The following NOX3 variants were observed in gnomAD, a reference collection of about 807,000 sequenced individuals.
NOX3 encodes the protein NADPH oxidase 3, also known as NADPH oxidase catalytic subunit-like 3.
Under a neutral mutation model 76.7 loss-of-function variants are expected in NOX3, and 74 were observed. That is an observed-to-expected ratio of 0.96 (90% CI 0.80 to 1.17). The LOEUF is 1.17. Ranked by LOEUF, NOX3 falls within the 50% of genes most tolerant of loss-of-function variation. NOX3 has a pLI of 0.00. For missense variants in NOX3, 695 were observed against 703.3 expected, an observed-to-expected ratio of 0.99 and a Z score of 0.13; for synonymous variants, 263 against 261.1, an observed-to-expected ratio of 1.01 and a Z score of -0.07.
At chr6:155,434,422 G>A (rs1170121448) in intron 7 of NOX3, among the ~76,000 whole-genome samples, 2 of 152,172 alleles carry the variant, frequency 1.3e-5, no homozygotes, top group Non-Finnish European at 2.9e-5. Context: ...GTGCATTTGG[G>A]CTGGAAAGGG....
At chr6:155,412,850 C>A (rs1216609218) in intron 10 of NOX3, among the ~76,000 whole-genome samples, 1 of 151,870 alleles carries the variant, frequency 6.6e-6, no homozygotes, top group Non-Finnish European at 1.5e-5. Flanking sequence ...CAAGACAGGG[C>A]CAAAAAAAAT....
intron 4 of NOX3, among the ~76,000 whole-genome samples, chr6:155,443,947 C>A (rs150036427): frequency 4.7e-4 from 72 of 152,070 alleles, no homozygotes; most frequent in African/African-American, 1.6e-3. Context: ...GTTATGATAT[C>A]TCAGCATAAT....
chr6:155,416,741 A>ATTTTTTTTTTTTTTTTT (rs1225392241), intron 10 of NOX3, among the ~76,000 whole-genome samples: 1 of 100,130 alleles, frequency 1.0e-5, no homozygotes, highest in African/African-American at 4.4e-5. Context: ...CATCTGAAAC[A>ATTTTTTTTTTTTTTTTT]TTCTTTTTTT....
intron 9 of NOX3, 84 bp downstream of exon 9, chr6:155,428,710 C>A: frequency 7.9e-7 from 1 of 1,259,340 alleles, no homozygotes; most frequent in Non-Finnish European, 1.1e-6. Flanking sequence ...AAAGATATTG[C>A]TGAATCAGGT....
At chr6:155,397,443 A>G (rs1779154703) in intron 12 of NOX3, among the ~76,000 whole-genome samples, 1 of 152,190 alleles carries the variant, frequency 6.6e-6, no homozygotes, top group South Asian at 2.1e-4. Context: ...GTCTTCTTGG[A>G]TACGTGACCA....
chr6:155,435,065 G>A (rs546629118), intron 7 of NOX3, among the ~76,000 whole-genome samples: 2 of 152,210 alleles, frequency 1.3e-5, no homozygotes, highest in South Asian at 2.1e-4. Flanking sequence ...AGAGAATATC[G>A]TACAGTTCAG....
chr6:155,416,242 T>C (rs1776619990), intron 10 of NOX3, among the ~76,000 whole-genome samples: 1 of 152,154 alleles, frequency 6.6e-6, no homozygotes, highest in Non-Finnish European at 1.5e-5. Flanking sequence ...AGACAGAAGC[T>C]TGAAACCAGC....
In NOX3 at chr6:155,428,973, G is replaced by A. The variant is rs540479708; in HGVS notation, c.966C>T (p.Tyr322=). ...KRGFKMAPGQ[Y]ILVQCPAISS... ...ATATGGCTGGGCACTGCACCAAGAT[G>A]TACTGCCCTGGCGCCATTTTAAAGC... The change falls in exon 9 of 14, where the codon TAC becomes TAT. Residue 322 remains tyrosine (Y), a synonymous_variant. Coordinates refer to ENST00000159060, the MANE Select transcript of NOX3 (RefSeq NM_015718.3). The A allele has an allele frequency of 1.2e-6, 2 of 1,613,902 alleles. No homozygotes were observed. Among genetic ancestry groups the A allele is most frequent in the South Asian group, 2.2e-5 (2 of 91,026 alleles).
intron 9 of NOX3, among the ~76,000 whole-genome samples, chr6:155,424,434 TC>T (rs1776731015): frequency 6.6e-6 from 1 of 152,224 alleles, no homozygotes; most frequent in East Asian, 1.9e-4. Flanking sequence ...CCTCAACTAT[TC>T]CAAAAGCACA....
At chr6:155,435,198 TG>T (rs1310554585) in intron 7 of NOX3, among the ~76,000 whole-genome samples, 6 of 152,086 alleles carry the variant, frequency 3.9e-5, no homozygotes, top group Non-Finnish European at 7.4e-5. Flanking sequence ...TAGAGAGAGA[TG>T]AGCAAGGCCC....
intron 9 of NOX3, among the ~76,000 whole-genome samples, chr6:155,423,900 C>T (rs1582936236): frequency 1.3e-5 from 2 of 152,006 alleles, no homozygotes; most frequent in African/African-American, 4.8e-5. Flanking sequence ...GCCACCACGC[C>T]CAGCTAATTT....
At chr6:155,424,489 G>A (rs1776731763) in intron 9 of NOX3, among the ~76,000 whole-genome samples, 2 of 152,218 alleles carry the variant, frequency 1.3e-5, no homozygotes, top group African/African-American at 2.4e-5. Flanking sequence ...AGGTTTCTGA[G>A]TTATTCATAA....
intron 3 of NOX3, among the ~76,000 whole-genome samples, chr6:155,453,764 C>T (rs915163585): frequency 2.0e-5 from 3 of 152,170 alleles, no homozygotes; most frequent in African/African-American, 7.2e-5. Flanking sequence ...CACTCAGCTT[C>T]TTTGTTTAAA....
intron 4 of NOX3, among the ~76,000 whole-genome samples, chr6:155,452,122 C>T (rs1460283627): frequency 1.3e-5 from 2 of 152,198 alleles, no homozygotes; most frequent in Non-Finnish European, 2.9e-5. Flanking sequence ...TGAATTGCTT[C>T]TGTGATGAGC....
intron 4 of NOX3, among the ~76,000 whole-genome samples, chr6:155,449,619 A>T (rs1218150756): frequency 1.3e-5 from 2 of 152,116 alleles, no homozygotes; most frequent in Non-Finnish European, 2.9e-5. Flanking sequence ...TACAGATACC[A>T]TTGTTTTGCC....
At chr6:155,440,483 T>TA (rs984807117) in intron 5 of NOX3, among the ~76,000 whole-genome samples, 10 of 147,860 alleles carry the variant, frequency 6.8e-5, no homozygotes, top group South Asian at 2.1e-4. Flanking sequence ...ATAAATAAAT[T>TA]AAAAAAAAAA....
chr6:155,411,869 A>G (rs780401185), intron 10 of NOX3, among the ~76,000 whole-genome samples: 18 of 152,220 alleles, frequency 1.2e-4, no homozygotes, highest in Non-Finnish European at 1.8e-4. Context: ...CACACAGGCC[A>G]GAAATTTCCT....
chr6:155,451,782 G>A (rs1777147470), intron 4 of NOX3, among the ~76,000 whole-genome samples: 1 of 151,802 alleles, frequency 6.6e-6, no homozygotes, highest in African/African-American at 2.4e-5. Context: ...GCACCACCAC[G>A]CCCAGCTAAT....
intron 7 of NOX3, among the ~76,000 whole-genome samples, chr6:155,432,173 T>C (rs1776843177): frequency 6.6e-6 from 1 of 152,152 alleles, no homozygotes; most frequent in Non-Finnish European, 1.5e-5. Context: ...AATTACTCTA[T>C]CCATCATCTC....
Sources: allele counts gnomAD v4.1 joint callset (sites outside exome capture counted in the v4.1 genomes callset), GRCh38; gene constraint gnomAD v4.1.1; transcripts MANE v1.5; gene names NCBI Gene and HGNC (gene_info 2026-07-23, HGNC 2026-07-21).